The following DNTTIP1 variants were observed in gnomAD, a reference collection of about 807,000 sequenced individuals.
The protein encoded by DNTTIP1 is deoxynucleotidyltransferase terminal interacting protein 1.
A neutral mutation model predicts 52.9 loss-of-function variants in DNTTIP1; 22 were observed. That is an observed-to-expected ratio of 0.42 (90% CI 0.30 to 0.59). DNTTIP1 has a LOEUF of 0.59. DNTTIP1 is among the 20% of genes least tolerant of loss of function. DNTTIP1 has a pLI of 0.22. For missense variants in DNTTIP1, 286 were observed against 435.5 expected, an observed-to-expected ratio of 0.66 and a Z score of 3.06; for synonymous variants, 136 against 155.1, an observed-to-expected ratio of 0.88 and a Z score of 0.92.
chr20:45,807,121 C>G (rs530700816), intron 10 of DNTTIP1, among the ~76,000 whole-genome samples: 94 of 151,686 alleles, frequency 6.2e-4, no homozygotes, highest in African/African-American at 2.3e-3. Flanking sequence ...TAGTGATAGA[C>G]CAACCATTTT....
In DNTTIP1 at chr20:45,805,443, A is replaced by G. The variant is rs537409118; in HGVS notation, c.723+77A>G. The G allele has an allele frequency of 4.9e-5, 73 of 1,489,856 alleles. No individual in the cohort carries two copies. The East Asian group carries it at 1.6e-3, about 32-fold the overall frequency. 92.3% of individuals were successfully genotyped at this position (1,489,856 alleles called of 1,614,324 possible). A position where few individuals can be genotyped will look rare whatever the true frequency, so the allele number is the denominator to read the frequency against. On this transcript the variant is annotated intron_variant, in intron 10 of 12. Coordinates refer to ENST00000372622, the MANE Select transcript of DNTTIP1 (RefSeq NM_052951.3). ...AACTCCACTCAGCACAGAGAAGCTT[A>G]GAACAAACACTGATCTTGGAGTCAG...
chr20:45,798,494 T>A (rs180739242), intron 4 of DNTTIP1, among the ~76,000 whole-genome samples: 279 of 151,810 alleles, frequency 1.8e-3, no homozygotes, highest in African/African-American at 6.6e-3. Context: ...TAAAAAAAAA[T>A]GCCTTACCAT....
chr20:45,811,008 G>T (rs749250618), intron 12 of DNTTIP1, 49 bp from the exon 13 acceptor site: 20 of 1,613,412 alleles, frequency 1.2e-5, no homozygotes, highest in Non-Finnish European at 1.4e-5. Context: ...AATGAGGCAG[G>T]GCCTACATCC....
chr20:45,802,187 G>C, intron 7 of DNTTIP1, 130 bp downstream of exon 7: 1 of 989,240 alleles, frequency 1.0e-6, no homozygotes, highest in Non-Finnish European at 1.6e-6. Flanking sequence ...GTGGAGGGGG[G>C]TTATCCTGGT....
intron 7 of DNTTIP1, 137 bp from the exon 8 acceptor site, chr20:45,803,196 C>A: frequency 1.3e-6 from 1 of 794,202 alleles, no homozygotes; most frequent in Middle Eastern, 2.4e-4. Flanking sequence ...TGTTCCTCCT[C>A]TTATGTGTCA....
chr20:45,795,240 C>T (rs1601024849), intron 3 of DNTTIP1, 105 bp from the exon 4 acceptor site: 1 of 627,154 alleles, frequency 1.6e-6, no homozygotes, highest in African/African-American at 1.9e-5. Context: ...AATCACTTTT[C>T]CCTTCTGTAT....
At chr20:45,801,043 G>A (rs1981450358) in intron 4 of DNTTIP1, 31 bp from the exon 5 acceptor site, 1 of 1,598,508 alleles carries the variant, frequency 6.3e-7, no homozygotes, top group East Asian at 2.2e-5. Context: ...CCAAAATAGT[G>A]ACTGGTAACA....
At chr20:45,801,532 A>G (rs1981472099) in intron 6 of DNTTIP1, 74 bp downstream of exon 6, 1 of 1,518,728 alleles carries the variant, frequency 6.6e-7, no homozygotes, top group Non-Finnish European at 9.1e-7. Context: ...TCACACCTGT[A>G]ATCCCAACAC....
chr20:45,809,530 A>C lies in DNTTIP1; in HGVS notation c.795+345A>C, dbSNP rs544125580. ...CACTGACAGATTTCACTCATTGATC[A>C]CTCTTCCACCAGACACAGCTATAGA... is the stretch of plus-strand genomic sequence containing the variant. On this transcript the variant is annotated intron_variant, in intron 11 of 12. Transcript: ENST00000372622. The surrounding 1 kb of genome is among the most constrained non-coding windows in gnomAD (Gnocchi z 4.2). Among the ~76,000 whole-genome samples the C allele has an allele frequency of 6.6e-6, 1 of 152,116 alleles. No homozygotes were observed. The highest frequency in any genetic ancestry group is 1.9e-4 in the East Asian group (1 of 5,196).
At chr20:45,793,145 T>G (rs925007228) in intron 2 of DNTTIP1, among the ~76,000 whole-genome samples, 1 of 152,232 alleles carries the variant, frequency 6.6e-6, no homozygotes, top group African/African-American at 2.4e-5. Context: ...ATTAATAGTA[T>G]GCATGTCAGG....
chr20:45,794,026 G>A lies in DNTTIP1; in HGVS notation c.273+9G>A. ...TCAACAAGTACATGAAGGTGAGAGGGACACAGGATAAAAAATAACAGGAGA... is the reference window on the plus strand; with the variant it reads ...TCAACAAGTACATGAAGGTGAGAGGAACACAGGATAAAAAATAACAGGAGA... On this transcript the variant is annotated intron_variant, in intron 3 of 12. Transcript: ENST00000372622. 1 of 1,546,372 alleles carries A rather than the reference G, an allele frequency of 6.5e-7. No homozygotes were observed.
intron 4 of DNTTIP1, among the ~76,000 whole-genome samples, chr20:45,800,209 T>G (rs1981381229): frequency 6.6e-6 from 1 of 152,088 alleles, no homozygotes; most frequent in Non-Finnish European, 1.5e-5. Flanking sequence ...ACAGTATGTA[T>G]TTACATGGGA....
intron 10 of DNTTIP1, among the ~76,000 whole-genome samples, chr20:45,808,791 G>C (rs112027651): frequency 1.3e-3 from 191 of 152,246 alleles, no homozygotes; most frequent in Non-Finnish European, 2.3e-3. Context: ...AATTACAGAC[G>C]TTATAAGCCA....
At chr20:45,795,614 C>T (rs932156362) in intron 4 of DNTTIP1, among the ~76,000 whole-genome samples, 171 bp downstream of exon 4, 5 of 152,194 alleles carry the variant, frequency 3.3e-5, no homozygotes, top group South Asian at 2.1e-4. Context: ...GCTTGGGCAA[C>T]GTGGCTAAAC....
intron 11 of DNTTIP1, 137 bp from the exon 12 acceptor site, chr20:45,810,748 T>C (rs767119788): frequency 1.4e-5 from 10 of 722,890 alleles, no homozygotes; most frequent in Non-Finnish European, 2.1e-5. Flanking sequence ...CACTTACTCT[T>C]CCGTACTAAA....
chr20:45,810,316 C>T (rs1981781599), intron 11 of DNTTIP1, among the ~76,000 whole-genome samples: 3 of 152,228 alleles, frequency 2.0e-5, no homozygotes, highest in African/African-American at 7.2e-5. Flanking sequence ...AGCATTTCTA[C>T]AGGCCCCAGT....
rs140324189 is a variant in DNTTIP1, at chr20:45,804,196, C to G, written c.603+818C>G. Among the ~76,000 whole-genome samples the G allele has an allele frequency of 2.6e-5, 4 of 152,318 alleles. No individual in the cohort carries two copies. In the East Asian group the frequency reaches 7.7e-4, roughly 29 times the overall value. ...ATAGGCATTTCAGACTCAGCATATCCAAACATGAAATTAGAATCTTTCCTC... is the reference window on the plus strand; with the variant it reads ...ATAGGCATTTCAGACTCAGCATATCGAAACATGAAATTAGAATCTTTCCTC... On this transcript the variant is annotated intron_variant, in intron 8 of 12. Coordinates refer to ENST00000372622, the MANE Select transcript of DNTTIP1 (RefSeq NM_052951.3).
At chr20:45,805,948 G>C (rs1344384381) in intron 10 of DNTTIP1, among the ~76,000 whole-genome samples, 1 of 150,652 alleles carries the variant, frequency 6.6e-6, no homozygotes, top group Non-Finnish European at 1.5e-5. Context: ...CTGGCATGGT[G>C]GCTCATGCCT....
chr20:45,800,694 AATATATATATATATATATATATATATAT>A (rs1158615012), intron 4 of DNTTIP1, among the ~76,000 whole-genome samples: 2,827 of 16,368 alleles, frequency 0.17, 402 homozygotes, highest in East Asian at 0.29. Context: ...AAAAAAAAAA[AATATATATATATATATATATATATATAT>A]ATATATATAT....
Sources: allele counts gnomAD v4.1 joint callset (sites outside exome capture counted in the v4.1 genomes callset), GRCh38; gene constraint gnomAD v4.1.1; non-coding constraint Gnocchi (gnomAD v3.1); transcripts MANE v1.5; gene names NCBI Gene and HGNC (gene_info 2026-07-23, HGNC 2026-07-21).